Variants in ADCY1 observed in about 807,000 individuals in gnomAD.
ADCY1 encodes the protein adenylate cyclase type 1.
A neutral mutation model predicts 105.4 loss-of-function variants in ADCY1; 28 were observed. The observed-to-expected ratio is 0.27, with a 90% CI of 0.20 to 0.36. The LOEUF (loss-of-function observed/expected upper bound fraction) is 0.36, where lower values mean the gene tolerates loss of function less well. Among genes scored for constraint, ADCY1 ranks in the 10% least tolerant of loss-of-function variants. The pLI, the probability that ADCY1 is intolerant of heterozygous loss-of-function variation, is 1.00. For missense variants in ADCY1, 977 were observed against 1,434.2 expected, an observed-to-expected ratio of 0.68 and a Z score of 5.15; for synonymous variants, 655 against 623.8, an observed-to-expected ratio of 1.05 and a Z score of -0.75.
intron 4 of ADCY1, among the ~76,000 whole-genome samples, chr7:45,632,807 A>G (rs977241764): frequency 2.0e-5 from 3 of 151,502 alleles, no homozygotes; most frequent in Admixed American, 1.3e-4. Context: ...TGAGCTCAAG[A>G]GATACTCTCG....
chr7:45,589,911 G>A (rs1030893980), intron 1 of ADCY1, among the ~76,000 whole-genome samples: 4 of 152,112 alleles, frequency 2.6e-5, no homozygotes, highest in African/African-American at 9.7e-5. Flanking sequence ...TTTCACTGGT[G>A]ACAGTGCCCT....
intron 4 of ADCY1, among the ~76,000 whole-genome samples, chr7:45,643,541 T>C (rs1305283784): frequency 1.3e-5 from 2 of 152,224 alleles, no homozygotes; most frequent in Non-Finnish European, 2.9e-5. Flanking sequence ...CAGTCAAATA[T>C]GCATTTTCTC....
intron 1 of ADCY1, among the ~76,000 whole-genome samples, chr7:45,579,523 G>A (rs914213766): frequency 1.3e-5 from 2 of 151,946 alleles, no homozygotes; most frequent in African/African-American, 4.8e-5. Context: ...GCTTATCTTC[G>A]TGGCCTGCAG....
intron 19 of ADCY1, among the ~76,000 whole-genome samples, chr7:45,711,099 C>T (rs919825995): frequency 3.3e-5 from 5 of 152,332 alleles, no homozygotes; most frequent in Admixed American, 2.0e-4. Context: ...CTGACACCCT[C>T]TAAAAGCCAT....
At chr7:45,593,205 C>T (rs542074599) in intron 2 of ADCY1, among the ~76,000 whole-genome samples, 9 of 152,268 alleles carry the variant, frequency 5.9e-5, no homozygotes, top group East Asian at 5.8e-4. Context: ...CCAGGGAGGA[C>T]GAGGCAGGTC....
In ADCY1 at chr7:45,708,344, A is replaced by G; in HGVS notation, c.2818-6A>G. On this transcript the variant is annotated splice_polypyrimidine_tract_variant and splice_region_variant and intron_variant, in intron 17 of 19. Coordinates refer to ENST00000297323, the MANE Select transcript of ADCY1 (RefSeq NM_021116.4). This position sits in a 1 kb window ranked among gnomAD's most constrained non-coding sequence, Gnocchi z 4.7. The stretch of plus-strand genomic sequence containing the variant: ...AGATGTAATGACCCCATCTGTTTAC[A>G]CCTAGGCTAAGAAGTCCATCTCCTC... 1 of 1,611,272 alleles carries G rather than the reference A, an allele frequency of 6.2e-7. No individual in the cohort carries two copies. Among genetic ancestry groups the G allele is most frequent in the Non-Finnish European group, 8.5e-7 (1 of 1,177,418 alleles).
intron 3 of ADCY1, among the ~76,000 whole-genome samples, chr7:45,611,505 A>G (rs1256196375): frequency 1.3e-5 from 2 of 152,030 alleles, no homozygotes; most frequent in Admixed American, 1.3e-4. Flanking sequence ...GGTCTGGTAT[A>G]TGTGTGCTCT....
intron 3 of ADCY1, among the ~76,000 whole-genome samples, chr7:45,619,322 A>G (rs372324323): frequency 7.7e-4 from 117 of 152,248 alleles, no homozygotes; most frequent in Middle Eastern, 3.4e-3. Context: ...TATAGTAAAC[A>G]ATAATTTATT....
intron 17 of ADCY1, among the ~76,000 whole-genome samples, chr7:45,707,077 G>A (rs11972623): frequency 0.19 from 28,851 of 152,204 alleles, 2,977 homozygotes; most frequent in African/African-American, 0.27. Flanking sequence ...AGGATGTGGA[G>A]CAACAGAAAC....
intron 4 of ADCY1, among the ~76,000 whole-genome samples, chr7:45,626,131 T>C (rs763253130): frequency 1.1e-4 from 17 of 152,204 alleles, no homozygotes; most frequent in Non-Finnish European, 1.5e-4. Context: ...CTCTGTGGGT[T>C]ACGTATCGTT....
At chr7:45,671,453 G>A (rs764172479) in intron 8 of ADCY1, among the ~76,000 whole-genome samples, 1 of 152,176 alleles carries the variant, frequency 6.6e-6, no homozygotes, top group Non-Finnish European at 1.5e-5. Flanking sequence ...ATGCCCAGAT[G>A]TGTGATTGAT....
At chr7:45,695,112 C>T (rs1269913904) in intron 14 of ADCY1, among the ~76,000 whole-genome samples, 1 of 152,252 alleles carries the variant, frequency 6.6e-6, no homozygotes, top group African/African-American at 2.4e-5. Context: ...CTTGGAAACT[C>T]TCCCAGCAGT....
At chr7:45,690,527 A>G (rs950934507) in intron 14 of ADCY1, among the ~76,000 whole-genome samples, 8 of 152,214 alleles carry the variant, frequency 5.3e-5, no homozygotes, top group African/African-American at 1.9e-4. Flanking sequence ...CCCGCTCCCC[A>G]TTGGCCAAAC....
chr7:45,606,141 G>A (rs1373708647), intron 2 of ADCY1, among the ~76,000 whole-genome samples: 1 of 152,172 alleles, frequency 6.6e-6, no homozygotes, highest in Non-Finnish European at 1.5e-5. Context: ...TACCTGGCTT[G>A]GGGGAGGAGA....
chr7:45,610,725 G>GATGGAGGTGGGAAGGT (rs1793518042), intron 3 of ADCY1, among the ~76,000 whole-genome samples: 1 of 3,406 alleles, frequency 2.9e-4, no homozygotes, highest in Non-Finnish European at 6.5e-4. Context: ...GGTGAGGAGG[G>GATGGAGGTGGGAAGGT]GATAGTGGAG....
intron 3 of ADCY1, among the ~76,000 whole-genome samples, chr7:45,616,352 A>G (rs1181317642): frequency 6.6e-6 from 1 of 152,220 alleles, no homozygotes. Context: ...AAAGGCAAAC[A>G]AGAACACTAC....
chr7:45,695,421 CTCATGGAT>C (rs1784862196), intron 14 of ADCY1, among the ~76,000 whole-genome samples: 2 of 152,184 alleles, frequency 1.3e-5, no homozygotes, highest in South Asian at 4.1e-4. Flanking sequence ...AATGGGCACT[CTCATGGAT>C]GCCATGCATG....
chr7:45,584,675 C>G (rs1348410318), intron 1 of ADCY1, among the ~76,000 whole-genome samples: 1 of 152,242 alleles, frequency 6.6e-6, no homozygotes, highest in Non-Finnish European at 1.5e-5. Flanking sequence ...CTGTGCCCCC[C>G]ACCTACCACA....
intron 4 of ADCY1, among the ~76,000 whole-genome samples, chr7:45,637,019 G>C (rs551927556): frequency 4.1e-4 from 62 of 151,896 alleles, no homozygotes; most frequent in African/African-American, 1.4e-3. Flanking sequence ...TCCCTTTTTT[G>C]TTTTCTTTGG....
Sources: gnomAD v4.1 joint callset for allele counts (sites outside exome capture counted in the v4.1 genomes callset) on GRCh38, gnomAD v4.1.1 for gene constraint, Gnocchi (gnomAD v3.1) non-coding constraint, MANE v1.5 for transcripts, NCBI Gene and HGNC (gene_info 2026-07-23, HGNC 2026-07-21) for gene names.